The following RAB3GAP2 variants were observed in gnomAD, a reference collection of about 807,000 sequenced individuals.
RAB3GAP2 encodes RAB3 GTPase activating non-catalytic protein subunit 2.
Under a neutral mutation model 185.3 loss-of-function variants are expected in RAB3GAP2, and 87 were observed. That is an observed-to-expected ratio of 0.47 (90% confidence interval 0.39 to 0.56). The LOEUF (loss-of-function observed/expected upper bound fraction) is 0.56, where lower values mean the gene tolerates loss of function less well. Ranked by LOEUF, RAB3GAP2 falls within the 20% of genes least tolerant of loss-of-function variation. The probability of loss-of-function intolerance (pLI) is 0.00; values close to 1 mark genes in which losing one functional copy is unlikely to be tolerated. For missense variants in RAB3GAP2, 1,492 were observed against 1,638.2 expected (o/e 0.91, Z 1.54); for synonymous variants, 554 against 576.1 (o/e 0.96, Z 0.55).
intron 2 of RAB3GAP2, among the ~76,000 whole-genome samples, chr1:220,214,847 C>G (rs1271841190): frequency 6.7e-6 from 1 of 150,226 alleles, no homozygotes; most frequent in Non-Finnish European, 1.5e-5. Flanking sequence ...TAGTTGTTAA[C>G]TCTAGAGACA....
At chr1:220,225,359 G>T (rs935244652) in intron 2 of RAB3GAP2, among the ~76,000 whole-genome samples, 4 of 152,150 alleles carry the variant, frequency 2.6e-5, no homozygotes, top group Non-Finnish European at 5.9e-5. Context: ...AGAACAAAAT[G>T]GGGAAAAGGC....
rs1014830345 is a variant in RAB3GAP2 at position 220,153,996 on chromosome 1, T to C, written c.3617A>G (p.Asp1206Gly). 2 of 1,613,646 alleles carry C rather than the reference T, an allele frequency of 1.2e-6. No homozygotes were observed. The highest frequency in any genetic ancestry group is 1.7e-6 in the Non-Finnish European group (2 of 1,179,830). Residue 1206 changes from aspartate (D) to glycine (G), a missense_variant, in exon 32 of 35, where the codon GAT becomes GGT. Transcript: ENST00000358951. ...TTGTCGTACAGAAATAAAATTTGGA[T>C]CCATTTCCCCACTAGGTAATAACTG... ...SIQLLPSGEM[D>G]PNFISVRQQF...
chr1:220,182,559 T>G (rs1273490001), intron 20 of RAB3GAP2, among the ~76,000 whole-genome samples, 159 bp downstream of exon 20: 4 of 152,224 alleles, frequency 2.6e-5, no homozygotes, highest in Non-Finnish European at 5.9e-5. Context: ...ATACAACCTG[T>G]TGACCAGAGT....
intron 2 of RAB3GAP2, among the ~76,000 whole-genome samples, chr1:220,223,196 A>G (rs561187611): frequency 1.8e-4 from 27 of 152,280 alleles, no homozygotes; most frequent in African/African-American, 6.5e-4. Context: ...ATAGGCAGGC[A>G]CATGTCACTT....
intron 1 of RAB3GAP2, among the ~76,000 whole-genome samples, chr1:220,237,259 G>C (rs569024833): frequency 1.3e-5 from 2 of 152,184 alleles, no homozygotes; most frequent in East Asian, 1.9e-4. Flanking sequence ...TCTCATTTCC[G>C]TGAAAGACTA....
chr1:220,154,913 G>A (rs1002208431), intron 31 of RAB3GAP2, among the ~76,000 whole-genome samples: 2 of 151,786 alleles, frequency 1.3e-5, no homozygotes, highest in African/African-American at 2.4e-5. Context: ...TAGTAGAGAC[G>A]GGGTTTTCAC....
chr1:220,171,241 C>T, intron 23 of RAB3GAP2, 121 bp from the exon 24 acceptor site: 4 of 872,614 alleles, frequency 4.6e-6, no homozygotes, highest in South Asian at 1.4e-5. Flanking sequence ...CACATACATG[C>T]TATTTCACAA....
intron 1 of RAB3GAP2, among the ~76,000 whole-genome samples, chr1:220,251,611 A>T (rs565623336): frequency 1.3e-5 from 2 of 152,352 alleles, no homozygotes; most frequent in South Asian, 4.1e-4. Flanking sequence ...AACAAAAGTC[A>T]AAGACACTGA....
At position 220,191,113 on chromosome 1, in the gene RAB3GAP2, T is replaced by C. The variant is rs1465012166; in HGVS notation, c.1442A>G (p.Gln481Arg). The change falls in exon 14 of 35, where the codon CAG becomes CGG. Residue 481 changes from glutamine to arginine, a missense_variant. Transcript: ENST00000358951. Reference sequence around the variant, plus strand: ...GAAAGCTCCTACTCTAGGTCCCTGCTGTGTGCTCCACACTTCTAAAATTCC... The same window carrying C: ...GAAAGCTCCTACTCTAGGTCCCTGCCGTGTGCTCCACACTTCTAAAATTCC... The part of the protein sequence containing the change: ...RRGILEVWST[Q>R]QGPRVGAFNV... 2 of 1,614,076 alleles carry C rather than the reference T, an allele frequency of 1.2e-6. No individual in the cohort carries two copies. Among genetic ancestry groups the C allele is most frequent in the Non-Finnish European group, 8.5e-7 (1 of 1,179,976 alleles).
chr1:220,211,483 T>C (rs1010782272), intron 4 of RAB3GAP2: 12 of 405,856 alleles, frequency 3.0e-5, no homozygotes, highest in Non-Finnish European at 4.8e-5. Context: ...TACATTATTT[T>C]AGGAACTTAT....
intron 1 of RAB3GAP2, among the ~76,000 whole-genome samples, chr1:220,244,415 C>T (rs557993126): frequency 3.3e-5 from 5 of 152,234 alleles, no homozygotes; most frequent in African/African-American, 9.6e-5. Context: ...ATGACACAAA[C>T]AAATGGAAAC....
intron 10 of RAB3GAP2, 166 bp downstream of exon 10, chr1:220,196,084 T>A: frequency 1.3e-6 from 1 of 770,928 alleles, no homozygotes; most frequent in South Asian, 1.8e-5. Context: ...TCAGTTAATC[T>A]AAAGAATTTA....
At chr1:220,187,354 C>T in intron 17 of RAB3GAP2, among the ~76,000 whole-genome samples, 1 of 137,600 alleles carries the variant, frequency 7.3e-6, no homozygotes, top group South Asian at 2.3e-4. Flanking sequence ...TGGTCTTTGA[C>T]CCCCCATTTC....
intron 16 of RAB3GAP2, 137 bp from the exon 17 acceptor site, chr1:220,189,904 T>C (rs1571890741): frequency 1.9e-6 from 2 of 1,058,224 alleles, no homozygotes; most frequent in Non-Finnish European, 2.8e-6. Flanking sequence ...TGTTTTCTTG[T>C]TATGAATTAT....
chr1:220,152,534 G>GT (rs1271417531), intron 33 of RAB3GAP2, among the ~76,000 whole-genome samples: 2 of 152,180 alleles, frequency 1.3e-5, no homozygotes, highest in African/African-American at 2.4e-5. Context: ...CCTGGACCTA[G>GT]TCATTCTAGT....
intron 26 of RAB3GAP2, 113 bp from the exon 27 acceptor site, chr1:220,164,912 G>A (rs752565049): frequency 6.7e-5 from 67 of 994,614 alleles, no homozygotes; most frequent in Non-Finnish European, 9.7e-5. Flanking sequence ...ACCTAAGAAT[G>A]TTGCAATAAT....
intron 17 of RAB3GAP2, among the ~76,000 whole-genome samples, 196 bp downstream of exon 17, chr1:220,189,507 G>A (rs1337675437): frequency 1.8e-5 from 2 of 113,182 alleles, no homozygotes; most frequent in African/African-American, 6.9e-5. Flanking sequence ...TTACAGGCAT[G>A]AATATTAATT....
intron 2 of RAB3GAP2, among the ~76,000 whole-genome samples, chr1:220,215,371 A>G (rs1035695991): frequency 1.3e-5 from 2 of 152,194 alleles, no homozygotes; most frequent in African/African-American, 4.8e-5. Flanking sequence ...GCATTTCAAA[A>G]AATATTTTAA....
At chr1:220,267,451 T>C (rs759888311) in intron 1 of RAB3GAP2, 11 of 1,387,956 alleles carry the variant, frequency 7.9e-6, no homozygotes, top group Admixed American at 1.7e-5. Context: ...CAGAATAAAC[T>C]TGCTTTGTTT....
Sources: allele counts gnomAD v4.1 joint callset (sites outside exome capture counted in the v4.1 genomes callset), GRCh38; gene constraint gnomAD v4.1.1; transcripts MANE v1.5; gene names NCBI Gene and HGNC (gene_info 2026-07-23, HGNC 2026-07-21).